POFUT2: variants seen among roughly 807,000 people sequenced by gnomAD.
POFUT2 encodes GDP-fucose protein O-fucosyltransferase 2.
A neutral mutation model predicts 55.0 loss-of-function variants in POFUT2; 30 were observed. The observed-to-expected ratio is 0.55, with a 90% confidence interval of 0.41 to 0.74. The LOEUF is 0.74. Ranked by LOEUF, POFUT2 falls within the 30% of genes least tolerant of loss-of-function variation. POFUT2 has a pLI of 0.00. For missense variants in POFUT2, 524 were observed against 562.6 expected, an observed-to-expected ratio of 0.93 and a Z score of 0.69; for synonymous variants, 267 against 231.1, an observed-to-expected ratio of 1.16 and a Z score of -1.41.
In POFUT2 at chr21:45,287,779, C is replaced by G. The variant is rs753276608; in HGVS notation, c.93G>C (p.Ser31=). The change falls in exon 1 of 9, where the codon TCG becomes TCC. Residue 31 remains serine, a synonymous_variant. Transcript: ENST00000349485. ...CCGCCCCCGACAGAATATCGGCCGCCGATTGTCCGGGCCAGAACTCCTGGC... is the reference window on the plus strand; with the variant it reads ...CCGCCCCCGACAGAATATCGGCCGCGGATTGTCCGGGCCAGAACTCCTGGC... ...ASGQEFWPGQ[S]AADILSGAAS... 1.3e-6 allele frequency: 2 copies of G among 1,502,746 alleles called. No homozygotes were observed. 93.1% of individuals were successfully genotyped at this position (1,502,746 alleles called of 1,614,324 possible). A position where few individuals can be genotyped will look rare whatever the true frequency, so the allele number is the denominator to read the frequency against.
intron 6 of POFUT2, among the ~76,000 whole-genome samples, chr21:45,272,009 T>C (rs1173563705): frequency 1.3e-5 from 2 of 152,160 alleles, no homozygotes; most frequent in Admixed American, 1.3e-4. Flanking sequence ...AACAGAGTAT[T>C]CAGGCAGCAA....
chr21:45,274,216 C>T (rs115106364), intron 6 of POFUT2, among the ~76,000 whole-genome samples: 2,304 of 152,170 alleles, frequency 0.015, 68 homozygotes, highest in African/African-American at 0.053. Context: ...CCTTTTACAA[C>T]AGCTGCAAAC....
chr21:45,276,245 TAAA>T (rs11290362), intron 6 of POFUT2, among the ~76,000 whole-genome samples: 3 of 144,828 alleles, frequency 2.1e-5, no homozygotes, highest in African/African-American at 7.6e-5. Context: ...TTAAAAAGAA[TAAA>T]AAAAAAACAC....
intron 1 of POFUT2, among the ~76,000 whole-genome samples, chr21:45,287,493 C>T (rs1186067348): frequency 2.2e-5 from 2 of 91,192 alleles, no homozygotes; most frequent in Admixed American, 1.1e-4. Flanking sequence ...TTCCTTGCCC[C>T]AGAACCCTGA....
intron 6 of POFUT2, among the ~76,000 whole-genome samples, chr21:45,276,680 C>T (rs918397932): frequency 2.6e-5 from 4 of 152,194 alleles, no homozygotes; most frequent in African/African-American, 9.7e-5. Flanking sequence ...AAAGGCCGAA[C>T]GTGCCTCTGA....
rs1201246830 is a variant in POFUT2, at chr21:45,287,775, CCG to C, written c.95_96del (p.Ala32GlyfsTer17). 6.6e-7 allele frequency: 1 copy of C among 1,505,948 alleles called. No individual in the cohort carries two copies. The highest frequency in any genetic ancestry group is 8.9e-7 in the Non-Finnish European group (1 of 1,122,616). 93.3% of individuals were successfully genotyped at this position (1,505,948 alleles called of 1,614,324 possible). A position where few individuals can be genotyped will look rare whatever the true frequency, so the allele number is the denominator to read the frequency against. ...SGQEFWPGQS[A>X]ADILSGAASR... ...GAAGCCGCCCCCGACAGAATATCGG[CCG>C]CCGATTGTCCGGGCCAGAACTCCTG... On this transcript the variant is annotated frameshift_variant, in exon 1 of 9. Coordinates refer to ENST00000349485, the MANE Select transcript of POFUT2 (RefSeq NM_133635.6). LOFTEE classifies it high-confidence loss of function.
At chr21:45,279,887 C>T (rs1432027329) in intron 4 of POFUT2, among the ~76,000 whole-genome samples, 2 of 152,204 alleles carry the variant, frequency 1.3e-5, no homozygotes, top group African/African-American at 2.4e-5. Flanking sequence ...GGAGAGGGCA[C>T]GTGTGGTGAT....
chr21:45,285,516 A>C lies in POFUT2; in HGVS notation c.382+162T>G, dbSNP rs771572655. On this transcript the variant is annotated intron_variant, in intron 2 of 8. Transcript: ENST00000349485. The surrounding 1 kb of genome is among the most constrained non-coding windows in gnomAD (Gnocchi z 4.9). ...CGTGGGAAAGGGACTGTGCTCCTGA[A>C]CGGAGGAGGTGCTGCCACAGGCCTC... The C allele has an allele frequency of 2.5e-6, 2 of 794,846 alleles. No homozygotes were observed. The highest frequency in any genetic ancestry group is 4.3e-6 in the Non-Finnish European group (2 of 468,758). The allele number at this position is 794,846 out of a possible 1,614,324, so 49.2% of individuals were successfully genotyped here.
chr21:45,283,568 C>A, intron 2 of POFUT2, 41 bp from the exon 3 acceptor site: 1 of 1,607,516 alleles, frequency 6.2e-7, no homozygotes, highest in South Asian at 1.1e-5. Flanking sequence ...TGACAGCGAT[C>A]AGAAGCTCAC....
In POFUT2 at chr21:45,266,788, A is replaced by G. The variant is rs554651266; in HGVS notation, c.1136+802T>C. On this transcript the variant is annotated intron_variant, in intron 8 of 8. Transcript: ENST00000349485. ...GCGCTCAGCATTCCTCGGGCAGGAG[A>G]GAGACAGACTAACCCACAGAGACGC... The G allele has an allele frequency of 4.4e-5, 44 of 997,668 alleles. No individual in the cohort carries two copies. In the South Asian group the frequency reaches 1.3e-3, roughly 30 times the overall value. The allele number at this position is 997,668 out of a possible 1,614,324, so 61.8% of individuals were successfully genotyped here.
intron 6 of POFUT2, among the ~76,000 whole-genome samples, chr21:45,276,143 C>T (rs761915028): frequency 6.6e-6 from 1 of 151,908 alleles, no homozygotes; most frequent in Non-Finnish European, 1.5e-5. Context: ...GAGCTGAGAT[C>T]GTGTCACTGC....
At chr21:45,268,828 C>A (rs1370515939) in intron 7 of POFUT2, among the ~76,000 whole-genome samples, 8 of 141,854 alleles carry the variant, frequency 5.6e-5, no homozygotes, top group African/African-American at 1.9e-4. Flanking sequence ...GTCAGCCCTC[C>A]GCCCGGCCAG....
At chr21:45,268,570 GA>G (rs1259280994) in intron 7 of POFUT2, among the ~76,000 whole-genome samples, 1 of 151,798 alleles carries the variant, frequency 6.6e-6, no homozygotes, top group Non-Finnish European at 1.5e-5. Flanking sequence ...TCACATCTAG[GA>G]AGTGAGGAGC....
In POFUT2 at chr21:45,265,162, A is replaced by T. The variant is rs1018670782; in HGVS notation, c.*320T>A. 6 of 254,088 alleles carry T rather than the reference A, an allele frequency of 2.4e-5. No individual in the cohort carries two copies. Among genetic ancestry groups the T allele is most frequent in the African/African-American group, 1.3e-4 (6 of 45,010 alleles). 15.7% of individuals were successfully genotyped at this position (254,088 alleles called of 1,614,324 possible). A position where few individuals can be genotyped will look rare whatever the true frequency, so the allele number is the denominator to read the frequency against. Reference sequence around the variant, plus strand: ...CATGAAAGGTGGCTGGAAAGGCCAGAGCGGGAGCCTGACAAACACTCCTGC... The same window carrying T: ...CATGAAAGGTGGCTGGAAAGGCCAGTGCGGGAGCCTGACAAACACTCCTGC... On this transcript the variant is annotated 3_prime_UTR_variant, in exon 9 of 9. Transcript: ENST00000349485. This position sits in a 1 kb window ranked among gnomAD's most constrained non-coding sequence, Gnocchi z 4.6.
Position 45,285,880 on chromosome 21 carries a change from C to T in POFUT2, c.180G>A (p.Arg60=), listed in dbSNP as rs150066648. The change falls in exon 2 of 9, where the codon AGG becomes AGA. Residue 60 remains arginine (R), a synonymous_variant. Transcript: ENST00000349485. This position sits in a 1 kb window ranked among gnomAD's most constrained non-coding sequence, Gnocchi z 4.9. Reference sequence around the variant, plus strand: ...GAGAGGCGATTCGGATATAGACATCCCTGCGCAGGTTGAAGCCTTCCGGGG... The same window carrying T: ...GAGAGGCGATTCGGATATAGACATCTCTGCGCAGGTTGAAGCCTTCCGGGG... The part of the protein sequence containing the change: ...VNPPEGFNLR[R]DVYIRIASLL... 3 of 1,612,792 alleles carry T rather than the reference C, an allele frequency of 1.9e-6. No individual in the cohort carries two copies. The highest frequency in any genetic ancestry group is 1.6e-4 in the Middle Eastern group (1 of 6,062).
In POFUT2 at chr21:45,287,789, G is replaced by C. The variant is rs1343452337; in HGVS notation, c.83C>G (p.Pro28Arg). ...CAGAATATCGGCCGCCGATTGTCCG[G>C]GCCAGAACTCCTGGCCGGAGGCAGA... Reference protein sequence around the residue: ...PASASGQEFWPGQSAADILSG... With the variant: ...PASASGQEFWRGQSAADILSG... Residue 28 changes from proline (P) to arginine (R), a missense_variant, in exon 1 of 9, where the codon CCC (proline) becomes CGC (arginine). Pro to Arg is a moderately radical substitution (Grantham distance 103, BLOSUM62 -2). Transcript: ENST00000349485. 6.6e-7 allele frequency: 1 copy of C among 1,517,426 alleles called. No homozygotes were observed. The highest frequency in any genetic ancestry group is 8.9e-7 in the Non-Finnish European group (1 of 1,129,276). The allele number at this position is 1,517,426 out of a possible 1,614,324, so 94.0% of individuals were successfully genotyped here.
Position 45,265,418 on chromosome 21 carries a change from C to T in POFUT2, c.*64G>A, listed in dbSNP as rs908147244. The stretch of plus-strand genomic sequence containing the variant: ...CGGCTGGCAGTAGACGGTGACTCCA[C>T]GGCGACAGAACCTGCATCCACCCGC... On this transcript the variant is annotated 3_prime_UTR_variant, in exon 9 of 9. Coordinates refer to ENST00000349485, the MANE Select transcript of POFUT2 (RefSeq NM_133635.6). The surrounding 1 kb of genome is among the most constrained non-coding windows in gnomAD (Gnocchi z 4.6). 1.8e-5 allele frequency: 26 copies of T among 1,452,818 alleles called. No individual in the cohort carries two copies. Among genetic ancestry groups the T allele is most frequent in the Middle Eastern group, 2.5e-4 (1 of 4,030 alleles). The allele number at this position is 1,452,818 out of a possible 1,614,324, so 90.0% of individuals were successfully genotyped here. A position where few individuals can be genotyped will look rare whatever the true frequency, so the allele number is the denominator to read the frequency against.
At chr21:45,276,910 C>T in intron 6 of POFUT2, 107 bp downstream of exon 6, 1 of 1,278,780 alleles carries the variant, frequency 7.8e-7, no homozygotes, top group Non-Finnish European at 1.1e-6. Flanking sequence ...GCATCCACGC[C>T]CACAGACACG....
intron 3 of POFUT2, 142 bp downstream of exon 3, chr21:45,283,241 G>GGGGT (rs1281322893): frequency 1.7e-4 from 75 of 447,164 alleles, no homozygotes; most frequent in African/African-American, 1.6e-3. Flanking sequence ...GGGGGGAGGC[G>GGGGT]GGGTGCTGCA....
Sources: gnomAD v4.1 joint callset for allele counts (sites outside exome capture counted in the v4.1 genomes callset) on GRCh38, gnomAD v4.1.1 for gene constraint, Gnocchi (gnomAD v3.1) non-coding constraint, MANE v1.5 for transcripts, NCBI Gene and HGNC (gene_info 2026-07-23, HGNC 2026-07-21) for gene names.